ACER3: variants seen among roughly 807,000 people sequenced by gnomAD.
ACER3 encodes alkCDase 3.
Under a neutral mutation model 48.9 loss-of-function variants are expected in ACER3, and 16 were observed. The observed-to-expected ratio is 0.33, with a 90% CI of 0.22 to 0.50. The LOEUF (loss-of-function observed/expected upper bound fraction) is 0.50, where lower values mean the gene tolerates loss of function less well. Among genes scored for constraint, ACER3 ranks in the 20% least tolerant of loss-of-function variants. The probability of loss-of-function intolerance (pLI) is 0.98; values close to 1 mark genes in which losing one functional copy is unlikely to be tolerated. For missense variants in ACER3, 227 were observed against 326.0 expected, an observed-to-expected ratio of 0.70 and a Z score of 2.34; for synonymous variants, 109 against 107.8, an observed-to-expected ratio of 1.01 and a Z score of -0.07.
At chr11:76,956,198 A>G (rs565984173) in intron 2 of ACER3, among the ~76,000 whole-genome samples, 1 of 152,350 alleles carries the variant, frequency 6.6e-6, no homozygotes, top group East Asian at 1.9e-4. Flanking sequence ...TATGTGAATT[A>G]TATCTCAAGA....
intron 6 of ACER3, among the ~76,000 whole-genome samples, chr11:76,993,072 C>T (rs1948836349): frequency 6.6e-6 from 1 of 152,080 alleles, no homozygotes; most frequent in African/African-American, 2.4e-5. Flanking sequence ...TACCGTGTTG[C>T]CCGGCAGGTC....
intron 2 of ACER3, among the ~76,000 whole-genome samples, chr11:76,929,675 C>T (rs868802688): frequency 2.6e-5 from 4 of 152,148 alleles, no homozygotes; most frequent in African/African-American, 4.8e-5. Context: ...GTTTTTAGCA[C>T]GAAGGGCTGT....
chr11:76,917,071 C>T (rs1946552681), intron 1 of ACER3, among the ~76,000 whole-genome samples: 1 of 152,148 alleles, frequency 6.6e-6, no homozygotes, highest in Non-Finnish European at 1.5e-5. Flanking sequence ...AATGTACTTC[C>T]TCTTGAATTT....
intron 1 of ACER3, among the ~76,000 whole-genome samples, chr11:76,911,355 G>A (rs1400896622): frequency 2.0e-5 from 3 of 152,106 alleles, no homozygotes; most frequent in Admixed American, 1.3e-4. Context: ...GCAAACTGTC[G>A]TGGCACTGGT....
At chr11:76,897,320 A>G (rs1945958659) in intron 1 of ACER3, among the ~76,000 whole-genome samples, 1 of 152,212 alleles carries the variant, frequency 6.6e-6, no homozygotes, top group African/African-American at 2.4e-5. Context: ...TACGTATACC[A>G]AAACTTGACA....
chr11:76,879,664 T>C (rs1490623127), intron 1 of ACER3, among the ~76,000 whole-genome samples: 3 of 152,242 alleles, frequency 2.0e-5, no homozygotes, highest in African/African-American at 7.2e-5. Context: ...TATTATTCTA[T>C]ATCAAAGTGA....
At chr11:76,866,022 C>T (rs1336005597) in intron 1 of ACER3, among the ~76,000 whole-genome samples, 1 of 145,514 alleles carries the variant, frequency 6.9e-6, no homozygotes, top group Non-Finnish European at 1.5e-5. Context: ...GATGGGGTTT[C>T]ACCATGTTGG....
Position 76,935,008 on chromosome 11 carries a change from A to G in ACER3, c.214+8341A>G, listed in dbSNP as rs557099456. Reference sequence around the variant, plus strand: ...TGCCTCAAACAAAGAAATGAATCAAAAATTTAAAAACTAATAACAGAAATA... The same window carrying G: ...TGCCTCAAACAAAGAAATGAATCAAGAATTTAAAAACTAATAACAGAAATA... On this transcript the variant is annotated intron_variant, in intron 2 of 10. Transcript: ENST00000532485. 2.0e-5 allele frequency among the ~76,000 whole-genome samples: 3 copies of G among 152,312 alleles called. No homozygotes were observed. In the South Asian group the frequency reaches 6.2e-4, roughly 32 times the overall value.
chr11:76,925,507 A>G (rs1167554435), intron 1 of ACER3, among the ~76,000 whole-genome samples: 2 of 152,154 alleles, frequency 1.3e-5, no homozygotes, highest in Non-Finnish European at 2.9e-5. Flanking sequence ...CAAATTATCT[A>G]TCCTTTTCTT....
intron 1 of ACER3, among the ~76,000 whole-genome samples, chr11:76,867,487 AAAAAAAAAAAGAAAG>A (rs1945123988): frequency 8.1e-6 from 1 of 123,246 alleles, no homozygotes; most frequent in African/African-American, 2.9e-5. Context: ...AAAAAAAAAA[AAAAAAAAAAAGAAAG>A]AAAAGTAGCT....
intron 4 of ACER3, among the ~76,000 whole-genome samples, chr11:76,981,517 C>A (rs546381897): frequency 3.7e-4 from 57 of 152,330 alleles, no homozygotes; most frequent in African/African-American, 1.4e-3. Flanking sequence ...TTAGAACATT[C>A]TTTTCTGACC....
At chr11:76,934,632 G>A (rs1947123346) in intron 2 of ACER3, among the ~76,000 whole-genome samples, 1 of 152,214 alleles carries the variant, frequency 6.6e-6, no homozygotes, top group East Asian at 1.9e-4. Flanking sequence ...CGAGATGGCA[G>A]CAGTACAGTC....
chr11:77,002,160 TA>T (rs11346138), intron 7 of ACER3, among the ~76,000 whole-genome samples: 108,057 of 152,056 alleles, frequency 0.71, 38,807 homozygotes, highest in Non-Finnish European at 0.77. Flanking sequence ...AACCTATCTC[TA>T]AAATAGTCAC....
intron 1 of ACER3, among the ~76,000 whole-genome samples, chr11:76,904,376 A>G (rs560233895): frequency 2.0e-5 from 3 of 152,214 alleles, no homozygotes; most frequent in South Asian, 2.1e-4. Flanking sequence ...CCAATTGTCA[A>G]TCAGAAAATC....
At chr11:76,936,745 T>C (rs905861198) in intron 2 of ACER3, among the ~76,000 whole-genome samples, 5 of 149,066 alleles carry the variant, frequency 3.4e-5, no homozygotes, top group African/African-American at 1.2e-4. Context: ...TAAGACAGAG[T>C]CTCGCTCTGT....
intron 6 of ACER3, among the ~76,000 whole-genome samples, chr11:76,996,743 T>A (rs1178221648): frequency 8.8e-6 from 1 of 114,170 alleles, no homozygotes; most frequent in African/African-American, 3.4e-5. Context: ...TTTTTTTTTC[T>A]GAGACAGAGT....
intron 3 of ACER3, among the ~76,000 whole-genome samples, chr11:76,966,030 C>T (rs1948129048): frequency 6.6e-6 from 1 of 151,120 alleles, no homozygotes; most frequent in South Asian, 2.1e-4. Context: ...GATAAAGAGT[C>T]AAGACCCATC....
chr11:76,993,811 C>T (rs1948854754), intron 6 of ACER3, among the ~76,000 whole-genome samples: 1 of 152,132 alleles, frequency 6.6e-6, no homozygotes, highest in African/African-American at 2.4e-5. Context: ...ATAGTGTTTG[C>T]GCTCCTATGA....
chr11:76,890,663 T>C lies in ACER3; in HGVS notation c.103+29584T>C, dbSNP rs563816187. ...TGTACTTACAGATTTCAAGGCATAG[T>C]GAGTATACAAAATGTTAATCCAGTA... On this transcript the variant is annotated intron_variant, in intron 1 of 10. Transcript: ENST00000532485. Among the ~76,000 whole-genome samples the C allele has an allele frequency of 3.9e-5, 6 of 152,318 alleles. No homozygotes were observed. In the South Asian group the frequency reaches 1.0e-3, roughly 26 times the overall value.
Sources: allele counts gnomAD v4.1 joint callset (sites outside exome capture counted in the v4.1 genomes callset), GRCh38; gene constraint gnomAD v4.1.1; transcripts MANE v1.5; gene names NCBI Gene and HGNC (gene_info 2026-07-23, HGNC 2026-07-21).